ADGRV1: variants seen among roughly 807,000 people sequenced by gnomAD.
The protein encoded by ADGRV1 is G-protein coupled receptor 98.
ADGRV1 carries 359 observed loss-of-function variants against 596.2 expected under a neutral mutation model. The ratio of observed to expected loss-of-function variants is 0.60; its 90% confidence interval spans 0.55 to 0.66. ADGRV1 has a LOEUF of 0.66. Among genes scored for constraint, ADGRV1 ranks in the 30% least tolerant of loss-of-function variants. The probability of loss-of-function intolerance (pLI) is 0.00; values close to 1 mark genes in which losing one functional copy is unlikely to be tolerated. For synonymous variants in ADGRV1, 2,681 were observed against 2,679.2 expected, an observed-to-expected ratio of 1.00 and a Z score of -0.02; for missense variants, 7,274 against 7,575.6, an observed-to-expected ratio of 0.96 and a Z score of 1.48.
chr5:90,888,709 A>G (rs750614788), intron 83 of ADGRV1, among the ~76,000 whole-genome samples: 12 of 152,002 alleles, frequency 7.9e-5, no homozygotes, highest in Non-Finnish European at 1.8e-4. Context: ...TTATCTAGCC[A>G]TTTTCACCTT....
At chr5:90,573,872 G>A (rs1756863792) in intron 1 of ADGRV1, among the ~76,000 whole-genome samples, 1 of 152,154 alleles carries the variant, frequency 6.6e-6, no homozygotes, top group African/African-American at 2.4e-5. Context: ...GAGCATGTGT[G>A]CATGTTTATA....
At chr5:90,567,686 A>G (rs1295548244) in intron 1 of ADGRV1, among the ~76,000 whole-genome samples, 1 of 151,176 alleles carries the variant, frequency 6.6e-6, no homozygotes, top group Non-Finnish European at 1.5e-5. Context: ...TTAGTAATTC[A>G]AATCTTCTTC....
At chr5:90,866,345 A>G (rs72782791) in intron 83 of ADGRV1, among the ~76,000 whole-genome samples, 35,063 of 92,180 alleles carry the variant, frequency 0.38, 4,807 homozygotes, top group Non-Finnish European at 0.47. Context: ...GTGTGTGTGT[A>G]TTTTCTTGAT....
At chr5:90,783,731 C>T (rs1010422329) in intron 66 of ADGRV1, 107 bp from the exon 67 acceptor site, 2 of 741,176 alleles carry the variant, frequency 2.7e-6, no homozygotes, top group Non-Finnish European at 4.4e-6. Flanking sequence ...TGTGTGACTA[C>T]TGTGCCTTGA....
chr5:90,692,577 G>C (rs768941121), intron 31 of ADGRV1, 28 bp from the exon 32 acceptor site: 1 of 1,558,548 alleles, frequency 6.4e-7, no homozygotes, highest in Non-Finnish European at 8.7e-7. Flanking sequence ...CTGTGATGCT[G>C]TTAAGGAAGT....
intron 83 of ADGRV1, among the ~76,000 whole-genome samples, chr5:90,908,828 A>G (rs1772565705): frequency 6.6e-6 from 1 of 152,228 alleles, no homozygotes; most frequent in Non-Finnish European, 1.5e-5. Flanking sequence ...GAGGAAACTC[A>G]TACATGAAAC....
At chr5:91,074,401 C>T (rs1453261907) in intron 86 of ADGRV1, among the ~76,000 whole-genome samples, 3 of 152,144 alleles carry the variant, frequency 2.0e-5, no homozygotes, top group Admixed American at 2.0e-4. Flanking sequence ...ATATTTACTC[C>T]CACTTATTAG....
At chr5:90,686,094 A>G in intron 29 of ADGRV1, 99 bp downstream of exon 29, 3 of 621,810 alleles carry the variant, frequency 4.8e-6, no homozygotes, top group Non-Finnish European at 7.1e-6. Flanking sequence ...TGCAATTAGG[A>G]TAATCAACTA....
chr5:90,890,948 A>G (rs1426836547), intron 83 of ADGRV1, among the ~76,000 whole-genome samples: 2 of 152,024 alleles, frequency 1.3e-5, no homozygotes, highest in East Asian at 1.9e-4. Context: ...GGAGTTTTCA[A>G]TTAATATACT....
At chr5:90,688,903 T>C (rs552867261) in intron 29 of ADGRV1, among the ~76,000 whole-genome samples, 1 of 152,300 alleles carries the variant, frequency 6.6e-6, no homozygotes, top group African/African-American at 2.4e-5. Flanking sequence ...TGCTTATTTA[T>C]TTGTGAAGAG....
At chr5:90,657,558 A>G (rs890522079) in intron 20 of ADGRV1, among the ~76,000 whole-genome samples, 2 of 152,182 alleles carry the variant, frequency 1.3e-5, no homozygotes, top group Middle Eastern at 3.2e-3. Flanking sequence ...ATACGTGCAC[A>G]TACATACATG....
At chr5:90,762,137 A>T (rs1756578250) in intron 58 of ADGRV1, among the ~76,000 whole-genome samples, 2 of 152,162 alleles carry the variant, frequency 1.3e-5, no homozygotes, top group Non-Finnish European at 2.9e-5. Flanking sequence ...TACTTGTGAA[A>T]CCTAAACTAA....
chr5:90,819,631 G>T (rs900197633), intron 75 of ADGRV1, among the ~76,000 whole-genome samples: 1 of 151,132 alleles, frequency 6.6e-6, no homozygotes, highest in Non-Finnish European at 1.5e-5. Flanking sequence ...GTTCTCGTTG[G>T]TTTCAAAGAA....
Position 90,818,276 on chromosome 5 carries a change from C to G in ADGRV1, c.16196+2540C>G, listed in dbSNP as rs574378302. Among the ~76,000 whole-genome samples, 258 of 151,346 alleles carry G rather than the reference C, an allele frequency of 1.7e-3. 1 individual carries two copies. Among genetic ancestry groups the G allele is most frequent in the Non-Finnish European group, 2.4e-3 (166 of 67,816 alleles). On this transcript the variant is annotated intron_variant, in intron 75 of 89. Coordinates refer to ENST00000405460, the MANE Select transcript of ADGRV1 (RefSeq NM_032119.4). ...TGTACATTGATTTTGTATCCTGAGACTTTGCTGAAGTTGCTTACCAGCTTA... is the reference window on the plus strand; with the variant it reads ...TGTACATTGATTTTGTATCCTGAGAGTTTGCTGAAGTTGCTTACCAGCTTA...
At chr5:91,090,351 C>G (rs73187188) in intron 86 of ADGRV1, among the ~76,000 whole-genome samples, 5,040 of 152,138 alleles carry the variant, frequency 0.033, 97 homozygotes, top group South Asian at 0.066. Flanking sequence ...AAATTATATC[C>G]TGCAAATTGA....
intron 77 of ADGRV1, among the ~76,000 whole-genome samples, chr5:90,834,080 C>T: frequency 1.3e-5 from 2 of 152,144 alleles, no homozygotes; most frequent in South Asian, 4.1e-4. Context: ...CTATTTATAT[C>T]TTATTATATA....
chr5:90,878,345 C>T (rs546763225), intron 83 of ADGRV1, among the ~76,000 whole-genome samples: 1 of 152,192 alleles, frequency 6.6e-6, no homozygotes, highest in Non-Finnish European at 1.5e-5. Context: ...CTGCCTAATC[C>T]TTGGAGGCCT....
chr5:90,919,487 G>A (rs189345576), intron 83 of ADGRV1, among the ~76,000 whole-genome samples: 24 of 152,266 alleles, frequency 1.6e-4, no homozygotes, highest in Admixed American at 1.6e-3. Context: ...TAGTGATTAT[G>A]ACTATAACTG....
rs1335331317 is a variant in ADGRV1 at position 90,985,386 on chromosome 5, A to C, written c.18016A>C (p.Thr6006Pro). The C allele has an allele frequency of 2.5e-6, 4 of 1,613,576 alleles. No homozygotes were observed. Among genetic ancestry groups the C allele is most frequent in the African/African-American group, 1.3e-5 (1 of 74,894 alleles). Residue 6006 changes from threonine (T) to proline (P), a missense_variant, in exon 85 of 90, where the codon ACA (threonine) becomes CCA (proline). By Grantham distance (38) the Thr-to-Pro change is conservative. Transcript: ENST00000405460. ...CGTGCTGGTGATGAATGATGAGCAC[A>C]CAGAGAGGCGATATCTGCTGTTTTT... ...WYVLVMNDEH[T>P]ERRYLLFFLL...
Sources: allele counts gnomAD v4.1 joint callset (sites outside exome capture counted in the v4.1 genomes callset), GRCh38; gene constraint gnomAD v4.1.1; transcripts MANE v1.5; gene names NCBI Gene and HGNC (gene_info 2026-07-23, HGNC 2026-07-21).